The following LARGE2 variants were observed in gnomAD, a reference collection of about 807,000 sequenced individuals.
The protein encoded by LARGE2 is xylosyl- and glucuronyltransferase LARGE2.
A neutral mutation model predicts 75.3 loss-of-function variants in LARGE2; 63 were observed. The ratio of observed to expected loss-of-function variants is 0.84; its 90% CI spans 0.68 to 1.03. The LOEUF is 1.03. Among genes scored for constraint, LARGE2 ranks in the 50% least tolerant of loss-of-function variants. The probability of loss-of-function intolerance (pLI) is 0.00; values close to 1 mark genes in which losing one functional copy is unlikely to be tolerated. For synonymous variants in LARGE2, 428 were observed against 420.1 expected (o/e 1.02, Z -0.23); for missense variants, 925 against 980.6 (o/e 0.94, Z 0.76).
At chr11:45,928,560 C>T (rs2087370931) in intron 13 of LARGE2, 70 bp from the exon 14 acceptor site, 1 of 1,575,526 alleles carries the variant, frequency 6.3e-7, no homozygotes, top group Admixed American at 1.8e-5. Flanking sequence ...TAAGCCTGTT[C>T]TCTGGAGCTG....
rs1029152257 is a variant in LARGE2 at position 45,927,984 on chromosome 11, G to A, written c.1669G>A (p.Glu557Lys). ...RKAALVVPAF[E>K]TLRYRFSFPH... ...GGCAGCACTGGTGGTGCCGGCATTC[G>A]AGACCCTGCGCTACCGCTTCAGCTT... The change falls in exon 12 of 14, where the codon GAG becomes AAG. Residue 557 changes from glutamate (E) to lysine (K), a missense_variant. Glu to Lys is a moderately conservative substitution (Grantham distance 56). Coordinates refer to ENST00000401752, the MANE Select transcript of LARGE2 (RefSeq NM_001300721.2). 3 of 1,613,824 alleles carry A rather than the reference G, an allele frequency of 1.9e-6. No homozygotes were observed. Among genetic ancestry groups the A allele is most frequent in the Middle Eastern group, 1.7e-4 (1 of 6,060 alleles).
At position 45,923,186 on chromosome 11, in the gene LARGE2, G is replaced by A. The variant is rs2086993275; in HGVS notation, c.285+19G>A. 1.5e-6 allele frequency: 2 copies of A among 1,326,360 alleles called. No homozygotes were observed. The highest frequency in any genetic ancestry group is 2.8e-4 in the Middle Eastern group (1 of 3,538). The allele number at this position is 1,326,360 out of a possible 1,614,324, so 82.2% of individuals were successfully genotyped here. On this transcript the variant is annotated intron_variant, in intron 2 of 13. Coordinates refer to ENST00000401752, the MANE Select transcript of LARGE2 (RefSeq NM_001300721.2). ...GTGCGAGGTAGGTGCGCGCGGCCCT[G>A]GCGGCGGGAGTCCTGGGGGCGCCGC...
Position 45,928,648 on chromosome 11 carries a change from C to T in LARGE2, c.1969C>T (p.Leu657=). 6.2e-7 allele frequency: 1 copy of T among 1,613,932 alleles called. No individual in the cohort carries two copies. Among genetic ancestry groups the T allele is most frequent in the African/African-American group, 1.3e-5 (1 of 75,038 alleles). ...LDAQEYELLV[L]PEAFTIHLPH... ...CCTGCAGGAATATGAGCTCCTGGTG[C>T]TGCCCGAGGCCTTCACCATCCATCT... Residue 657 remains leucine (L), a synonymous_variant, in exon 14 of 14, where the codon CTG becomes TTG. Transcript: ENST00000401752.
Position 45,928,202 on chromosome 11 carries a change from G to A in LARGE2, c.1780G>A (p.Ala594Thr), listed in dbSNP as rs758493715. ...GTACCACGAGTGGCCCCGAGGCCAC[G>A]CACCCACAGACTATGCCCGCTGGCG... ...FRYHEWPRGH[A>T]PTDYARWREA... Residue 594 changes from alanine (A) to threonine (T), a missense_variant, in exon 13 of 14, where the codon GCA becomes ACA. Physicochemically the swap from Ala to Thr is moderately conservative, Grantham distance 58. Coordinates refer to ENST00000401752, the MANE Select transcript of LARGE2 (RefSeq NM_001300721.2). 28 of 1,613,548 alleles carry A rather than the reference G, an allele frequency of 1.7e-5. No individual in the cohort carries two copies. The highest frequency in any genetic ancestry group is 1.6e-4 in the Middle Eastern group (1 of 6,084).
rs201285186 is a variant in LARGE2, at chr11:45,928,014, C to T, written c.1699C>T (p.His567Tyr). ...CCTGCGCTACCGCTTCAGCTTCCCC[C>T]ATTCCAAGGTGGAGCTGTTGGCCTT... ...ETLRYRFSFPHSKVELLALLD... is the reference protein window; with the variant it reads ...ETLRYRFSFPYSKVELLALLD... Residue 567 changes from histidine to tyrosine, a missense_variant, in exon 12 of 14, where the codon CAT becomes TAT. Transcript: ENST00000401752. 1.7e-5 allele frequency: 28 copies of T among 1,613,920 alleles called. No homozygotes were observed. The highest frequency in any genetic ancestry group is 2.7e-5 in the African/African-American group (2 of 74,936).
chr11:45,927,197 G>C (rs1290254095), intron 10 of LARGE2, 118 bp from the exon 11 acceptor site: 7 of 1,128,158 alleles, frequency 6.2e-6, no homozygotes, highest in Non-Finnish European at 7.5e-6. Context: ...GTATTTGAAG[G>C]GTGCTCAGTA....
At position 45,926,105 on chromosome 11, in the gene LARGE2, CCAGGCGGGAGCT is replaced by C. The variant is rs1427373189; in HGVS notation, c.838_849del (p.Arg280_Leu283del). On this transcript the variant is annotated inframe_deletion, in exon 7 of 14. Coordinates refer to ENST00000401752, the MANE Select transcript of LARGE2 (RefSeq NM_001300721.2). ...TGGGAGCAGATGTGGAGGCTGACAG[CCAGGCGGGAGCT>C]CCTTAGCCTGCCTGCCACCTCACTG... 6.4e-7 allele frequency: 1 copy of C among 1,567,124 alleles called. No individual in the cohort carries two copies. The highest frequency in any genetic ancestry group is 8.6e-7 in the Non-Finnish European group (1 of 1,156,372).
chr11:45,923,084 C>G lies in LARGE2; in HGVS notation c.202C>G (p.Leu68Val). The G allele has an allele frequency of 7.1e-7, 1 of 1,412,474 alleles. No homozygotes were observed. Among genetic ancestry groups the G allele is most frequent in the African/African-American group, 1.5e-5 (1 of 66,762 alleles). 87.5% of individuals were successfully genotyped at this position (1,412,474 alleles called of 1,614,324 possible). A position where few individuals can be genotyped will look rare whatever the true frequency, so the allele number is the denominator to read the frequency against. Reference protein sequence around the residue: ...PDGRLRRAAALDGDPGAGPGD... With the variant: ...PDGRLRRAAAVDGDPGAGPGD... ...CGGGAGGCTGCGGAGAGCCGCCGCC[C>G]TCGACGGAGACCCGGGGGCCGGCCC... The change falls in exon 2 of 14, where the codon CTC (leucine) becomes GTC (valine). Residue 68 changes from leucine to valine, a missense_variant. Transcript: ENST00000401752.
At position 45,928,785 on chromosome 11, in the gene LARGE2, G is replaced by T. The variant is rs773413902; in HGVS notation, c.2106G>T (p.Gly702=). Reference sequence around the variant, plus strand: ...ACCAGGACTTGTCCCGCCACCATGGGGCTGCTGCCCTCAAATACCTCCCAG... The same window carrying T: ...ACCAGGACTTGTCCCGCCACCATGGTGCTGCTGCCCTCAAATACCTCCCAG... ...EFHQDLSRHH[G]AAALKYLPAL... The change falls in exon 14 of 14, where the codon GGG becomes GGT. Residue 702 remains glycine, a synonymous_variant. Transcript: ENST00000401752. 7.4e-6 allele frequency: 12 copies of T among 1,613,812 alleles called. No individual in the cohort carries two copies. In the East Asian group the frequency reaches 2.7e-4, roughly 36 times the overall value.
At position 45,928,817 on chromosome 11, in the gene LARGE2, A is replaced by G; in HGVS notation, c.2138A>G (p.Gln713Arg). Reference protein sequence around the residue: ...AAALKYLPALQQPQSPARG With the variant: ...AAALKYLPALRQPQSPARG ...GCCCTCAAATACCTCCCAGCCCTGC[A>G]GCAGCCCCAGAGCCCTGCCCGAGGC... Residue 713 changes from glutamine to arginine, a missense_variant, in exon 14 of 14, where the codon CAG (glutamine) becomes CGG (arginine). Gln to Arg is a conservative substitution (Grantham distance 43). Around this residue, in one of 3 missense-constraint regions of LARGE2, gnomAD observed 469 missense variants for 503.8 expected, o/e 0.93. Coordinates refer to ENST00000401752, the MANE Select transcript of LARGE2 (RefSeq NM_001300721.2). The G allele has an allele frequency of 6.2e-7, 1 of 1,613,364 alleles. No homozygotes were observed. The highest frequency in any genetic ancestry group is 8.5e-7 in the Non-Finnish European group (1 of 1,179,934).
chr11:45,924,998 G>A (rs2134731630), intron 6 of LARGE2, 109 bp downstream of exon 6: 2 of 622,144 alleles, frequency 3.2e-6, no homozygotes, highest in African/African-American at 1.8e-5. Flanking sequence ...GAACATTGCT[G>A]TGAAAAGAAC....
chr11:45,928,321 T>C lies in LARGE2; in HGVS notation c.1899T>C (p.Phe633=), dbSNP rs1354492899. Residue 633 remains phenylalanine, a synonymous_variant, in exon 13 of 14, where the codon TTT becomes TTC. Coordinates refer to ENST00000401752, the MANE Select transcript of LARGE2 (RefSeq NM_001300721.2). ...ACTGTCCCCGCTATGATCCTCGCTT[T>C]GTGGGCTTCGGCTGGAACAAAGTGG... is the stretch of plus-strand genomic sequence containing the variant. ...PRDCPRYDPR[F]VGFGWNKVAH... is the part of the protein sequence containing the mutation. The C allele has an allele frequency of 6.2e-7, 1 of 1,614,082 alleles. No individual in the cohort carries two copies. The highest frequency in any genetic ancestry group is 1.3e-5 in the African/African-American group (1 of 74,940).
chr11:45,921,895 G>A (rs575008030), upstream of LARGE2, among the ~76,000 whole-genome samples: 68 of 152,256 alleles, frequency 4.5e-4, no homozygotes, highest in Admixed American at 7.8e-4. Flanking sequence ...TTAGCACAGG[G>A]CCTGGCACGC....
In LARGE2 at chr11:45,926,784, A is replaced by AC; in HGVS notation, c.1240dup (p.Arg414ProfsTer10). The AC allele has an allele frequency of 6.2e-7, 1 of 1,613,648 alleles. No individual in the cohort carries two copies. The highest frequency in any genetic ancestry group is 8.5e-7 in the Non-Finnish European group (1 of 1,180,022). ...TTCCGGCAGCAGCAGCTCACTGTGC[A>AC]CCGTGTGCATGTCACTTTCCTGCCC... is the stretch of plus-strand genomic sequence containing the variant. On this transcript the variant is annotated frameshift_variant, in exon 10 of 14. Transcript: ENST00000401752. LOFTEE classifies it high-confidence loss of function.
At chr11:45,923,397 G>T (rs1590804933) in intron 2 of LARGE2, 76 bp from the exon 3 acceptor site, 2 of 1,424,254 alleles carry the variant, frequency 1.4e-6, no homozygotes, top group Non-Finnish European at 9.8e-7. Flanking sequence ...CTGCTGCGGG[G>T]TGGGGCAGCT....
chr11:45,924,601 C>T lies in LARGE2; in HGVS notation c.588C>T (p.Arg196=), dbSNP rs768356234. The stretch of plus-strand genomic sequence containing the variant: ...GTGCCTTGCCTGCTGAGCTGGCCCG[C>T]GTCATTGTCCTGGACACGGATGTCA... ...LPSALPAELA[R]VIVLDTDVTF... Residue 196 remains arginine, a synonymous_variant, in exon 5 of 14, where the codon CGC becomes CGT. Transcript: ENST00000401752. 1.2e-5 allele frequency: 20 copies of T among 1,613,970 alleles called. No homozygotes were observed. The highest frequency in any genetic ancestry group is 2.2e-5 in the East Asian group (1 of 44,888).
rs762355206 is a variant in LARGE2, at chr11:45,926,106, CA to C, written c.838del (p.Arg280GlyfsTer21). 3.4e-5 allele frequency: 54 copies of C among 1,567,526 alleles called. No homozygotes were observed. The highest frequency in any genetic ancestry group is 2.1e-4 in the East Asian group (9 of 41,920). ...GGGAGCAGATGTGGAGGCTGACAGC[CA>C]GGCGGGAGCTCCTTAGCCTGCCTGC... ...GWEQMWRLTARRELLSLPATS... is the reference protein window; with the variant it reads ...GWEQMWRLTAXRELLSLPATS... On this transcript the variant is annotated frameshift_variant, in exon 7 of 14. Coordinates refer to ENST00000401752, the MANE Select transcript of LARGE2 (RefSeq NM_001300721.2). LOFTEE classifies it high-confidence loss of function.
At position 45,927,503 on chromosome 11, in the gene LARGE2, G is replaced by C; in HGVS notation, c.1514G>C (p.Arg505Pro). Residue 505 changes from arginine (R) to proline (P), a missense_variant, in exon 11 of 14, where the codon CGC becomes CCC. This residue lies in a region of LARGE2 where 469 missense variants were observed against 503.8 expected (regional missense o/e 0.93). Transcript: ENST00000401752. ...CCCCTATACCCCGTCAACCAGCTTC[G>C]CAACGTGGCCTTGGCCCAGGCCCTC... ...EGPLYPVNQL[R>P]NVALAQALTP... 1 of 1,614,180 alleles carries C rather than the reference G, an allele frequency of 6.2e-7. No homozygotes were observed. Among genetic ancestry groups the C allele is most frequent in the South Asian group, 1.1e-5 (1 of 91,090 alleles).
In LARGE2 at chr11:45,924,874, C is replaced by T. The variant is rs1393781940; in HGVS notation, c.754C>T (p.Arg252Trp). The T allele has an allele frequency of 3.6e-5, 54 of 1,480,010 alleles. No individual in the cohort carries two copies. The highest frequency in any genetic ancestry group is 4.5e-5 in the Non-Finnish European group (50 of 1,116,212). 91.7% of individuals were successfully genotyped at this position (1,480,010 alleles called of 1,614,324 possible). Residue 252 changes from arginine (R) to tryptophan (W), a missense_variant, in exon 6 of 14, where the codon CGG (arginine) becomes TGG (tryptophan). Transcript: ENST00000401752. ...KNHRPWPALG[R>W]GFNTGVILLR... ...CCACAGGCCCTGGCCTGCCTTGGGC[C>T]GGGGATTTAACACAGGTGGGGACAG...
Sources: gnomAD v4.1 joint callset for allele counts (sites outside exome capture counted in the v4.1 genomes callset) on GRCh38, gnomAD v4.1.1 for gene constraint, gnomAD v4.1.1 regional missense constraint, MANE v1.5 for transcripts, NCBI Gene and HGNC (gene_info 2026-07-23, HGNC 2026-07-21) for gene names.